Variants in NCOA2 observed in about 807,000 individuals in gnomAD.
NCOA2 encodes class E basic helix-loop-helix protein 75.
NCOA2 carries 21 observed loss-of-function variants against 145.1 expected under a neutral mutation model. The ratio of observed to expected loss-of-function variants is 0.14; its 90% confidence interval spans 0.10 to 0.21. The LOEUF is 0.21. Ranked by LOEUF, NCOA2 falls within the 10% of genes least tolerant of loss-of-function variation. The pLI, the probability that NCOA2 is intolerant of heterozygous loss-of-function variation, is 1.00. For synonymous variants in NCOA2, 619 were observed against 637.5 expected, an observed-to-expected ratio of 0.97 and a Z score of 0.44; for missense variants, 1,472 against 1,837.6, an observed-to-expected ratio of 0.80 and a Z score of 3.64.
intron 22 of NCOA2, 58 bp from the exon 23 acceptor site, chr8:70,113,701 A>G (rs927493664): frequency 1.3e-6 from 2 of 1,492,658 alleles, no homozygotes; most frequent in Non-Finnish European, 1.8e-6. Context: ...AAAAAACATC[A>G]TAAAGCCCAC....
chr8:70,335,648 A>T (rs35271432), intron 1 of NCOA2, among the ~76,000 whole-genome samples: 10,301 of 152,246 alleles, frequency 0.068, 499 homozygotes, highest in Non-Finnish European at 0.11. Context: ...TCTTATTTCT[A>T]TGAATTTGAC....
At chr8:70,274,109 T>G (rs1825284994) in intron 2 of NCOA2, among the ~76,000 whole-genome samples, 1 of 152,010 alleles carries the variant, frequency 6.6e-6, no homozygotes. Flanking sequence ...GTTCTTTGCC[T>G]AGTATACAGT....
At chr8:70,398,616 G>A (rs551472127) in intron 1 of NCOA2, among the ~76,000 whole-genome samples, 8 of 152,278 alleles carry the variant, frequency 5.3e-5, no homozygotes, top group African/African-American at 1.7e-4. Flanking sequence ...GTCAGCTGAC[G>A]CCTAGTCAAA....
At chr8:70,126,720 G>T in intron 19 of NCOA2, 93 bp downstream of exon 19, 1 of 1,076,830 alleles carries the variant, frequency 9.3e-7, no homozygotes, top group Non-Finnish European at 1.4e-6. Context: ...TGGGAGCCAT[G>T]CAAAGAGCTG....
At chr8:70,404,381 C>T (rs1814665662), upstream of NCOA2, among the ~76,000 whole-genome samples, 4 of 152,322 alleles carry the variant, frequency 2.6e-5, no homozygotes, top group Non-Finnish European at 4.4e-5. Flanking sequence ...TCGGGGAGAG[C>T]CGAGTTCCAG....
chr8:70,302,619 T>G lies in NCOA2; in HGVS notation c.-76-5819A>C, dbSNP rs1290422854. Among the ~76,000 whole-genome samples, 5 of 152,196 alleles carry G rather than the reference T, an allele frequency of 3.3e-5. No individual in the cohort carries two copies. In the South Asian group the frequency reaches 1.0e-3, roughly 31 times the overall value. On this transcript the variant is annotated intron_variant, in intron 1 of 22. Coordinates refer to ENST00000452400, the MANE Select transcript of NCOA2 (RefSeq NM_006540.4). ...TCTTTCCAACTACTCATTTTGCCTA[T>G]TAAGGTATACAAATTAATACAGATA...
chr8:70,455,317 A>T, the NCOA2 span, among the ~76,000 whole-genome samples: 1 of 152,202 alleles, frequency 6.6e-6, no homozygotes, highest in East Asian at 1.9e-4. Flanking sequence ...CCTAGAAATG[A>T]TTATTTTGTT....
chr8:70,294,884 G>T (rs1366753628), intron 2 of NCOA2, among the ~76,000 whole-genome samples: 1 of 152,160 alleles, frequency 6.6e-6, no homozygotes, highest in Non-Finnish European at 1.5e-5. Context: ...AGTAATAGTT[G>T]TTATTAGTAT....
At chr8:70,199,184 A>G (rs968122872) in intron 4 of NCOA2, among the ~76,000 whole-genome samples, 1 of 152,168 alleles carries the variant, frequency 6.6e-6, no homozygotes, top group African/African-American at 2.4e-5. Context: ...GCAGTGGCTC[A>G]TGCCTGTAAT....
At chr8:70,221,834 G>T (rs528493427) in intron 2 of NCOA2, among the ~76,000 whole-genome samples, 1 of 152,108 alleles carries the variant, frequency 6.6e-6, no homozygotes, top group Non-Finnish European at 1.5e-5. Flanking sequence ...GGATGACAGC[G>T]CACAGAAAAT....
intron 2 of NCOA2, among the ~76,000 whole-genome samples, chr8:70,267,393 T>G (rs61361641): frequency 2.9e-3 from 11 of 3,826 alleles, no homozygotes; most frequent in African/African-American, 0.013. Flanking sequence ...TTCCTTTCTG[T>G]TTTTTTTTTT....
intron 10 of NCOA2, 37 bp from the exon 11 acceptor site, chr8:70,157,277 G>A (rs890042163): frequency 5.4e-6 from 8 of 1,484,824 alleles, no homozygotes; most frequent in Admixed American, 4.6e-5. Flanking sequence ...TAAGATAAAA[G>A]GAAAAATACT....
chr8:70,269,496 G>A (rs1824878172), intron 2 of NCOA2, among the ~76,000 whole-genome samples: 1 of 152,054 alleles, frequency 6.6e-6, no homozygotes, highest in Admixed American at 6.6e-5. Context: ...AAAAAAGAAT[G>A]TCAGTCGGGA....
At chr8:70,359,507 T>C (rs1810025601) in intron 1 of NCOA2, among the ~76,000 whole-genome samples, 1 of 152,224 alleles carries the variant, frequency 6.6e-6, no homozygotes, top group South Asian at 2.1e-4. Context: ...ATATCCAGAA[T>C]AGGTAAATTC....
intron 11 of NCOA2, among the ~76,000 whole-genome samples, chr8:70,149,803 AG>A (rs1811548062): frequency 6.6e-6 from 1 of 152,208 alleles, no homozygotes; most frequent in Admixed American, 6.5e-5. Context: ...TTGATGTGTA[AG>A]TGGAAAACGT....
At chr8:70,212,941 G>A (rs1340793508) in intron 4 of NCOA2, among the ~76,000 whole-genome samples, 3 of 151,806 alleles carry the variant, frequency 2.0e-5, no homozygotes, top group African/African-American at 7.3e-5. Context: ...AAAATTAGCA[G>A]GGCATGGTGG....
intron 1 of NCOA2, among the ~76,000 whole-genome samples, chr8:70,346,830 T>A (rs1316487832): frequency 1.3e-5 from 2 of 152,238 alleles, no homozygotes. Context: ...AATTTCCATA[T>A]GCATCTGTTC....
chr8:70,248,430 AC>A (rs1822803152), intron 2 of NCOA2, among the ~76,000 whole-genome samples: 3 of 152,256 alleles, frequency 2.0e-5, no homozygotes, highest in African/African-American at 7.2e-5. Context: ...TTCTGTTACC[AC>A]AGATTAGTTT....
intron 1 of NCOA2, among the ~76,000 whole-genome samples, chr8:70,377,979 G>GC (rs1219956490): frequency 6.6e-6 from 1 of 152,162 alleles, no homozygotes; most frequent in Admixed American, 6.5e-5. Context: ...AATTATCAGT[G>GC]CCAAAATCAG....
Sources: gnomAD v4.1 joint callset for allele counts (sites outside exome capture counted in the v4.1 genomes callset) on GRCh38, gnomAD v4.1.1 for gene constraint, MANE v1.5 for transcripts, NCBI Gene and HGNC (gene_info 2026-07-23, HGNC 2026-07-21) for gene names.